The following MGA variants were observed in gnomAD, a reference collection of about 807,000 sequenced individuals.
MGA encodes MAX dimerization protein MGA.
A neutral mutation model predicts 261.1 loss-of-function variants in MGA; 40 were observed. That is an observed-to-expected ratio of 0.15 (90% CI 0.12 to 0.20). The LOEUF (loss-of-function observed/expected upper bound fraction) is 0.20. MGA is among the 10% of genes least tolerant of loss of function. The pLI, the probability that MGA is intolerant of heterozygous loss-of-function variation, is 1.00. For missense variants in MGA, 3,397 were observed against 3,630.5 expected, an observed-to-expected ratio of 0.94 and a Z score of 1.65; for synonymous variants, 1,302 against 1,290.6, an observed-to-expected ratio of 1.01 and a Z score of -0.19.
At chr15:41,665,856 T>C (rs993290177) in intron 1 of MGA, among the ~76,000 whole-genome samples, 1 of 152,198 alleles carries the variant, frequency 6.6e-6, no homozygotes, top group Non-Finnish European at 1.5e-5. Flanking sequence ...ATAAATGGAA[T>C]CATACAATAT....
intron 7 of MGA, among the ~76,000 whole-genome samples, chr15:41,709,393 G>A (rs897945376): frequency 1.3e-5 from 2 of 152,038 alleles, no homozygotes; most frequent in African/African-American, 4.8e-5. Context: ...GCCTCTTCTT[G>A]TGGTCTTCCT....
rs139403711 is a variant in MGA at position 41,696,133 on chromosome 15, G to A, written c.1123G>A (p.Gly375Arg). The A allele has an allele frequency of 3.6e-4, 587 of 1,613,702 alleles. 4 individuals carry two copies. In the African/African-American group the frequency reaches 7.2e-3, roughly 20 times the overall value. The change falls in exon 3 of 24, where the codon GGA becomes AGA. Residue 375 changes from glycine to arginine, a missense_variant. Gly to Arg is a moderately radical substitution (Grantham distance 125). This residue lies in a region of MGA where 563 missense variants were observed against 563.6 expected (regional missense o/e 1.00). Transcript: ENST00000219905. Reference sequence around the variant, plus strand: ...TGTAGCCTCACCGTTAGACCAGAACGGAAGCTTCAATGTTGTTATTAAAGA... The same window carrying A: ...TGTAGCCTCACCGTTAGACCAGAACAGAAGCTTCAATGTTGTTATTAAAGA...
chr15:41,683,856 C>T (rs945030546), intron 2 of MGA, among the ~76,000 whole-genome samples: 1 of 152,186 alleles, frequency 6.6e-6, no homozygotes, highest in East Asian at 1.9e-4. Context: ...GCTGGGATTA[C>T]AGGCGTGACC....
At chr15:41,670,417 G>T (rs772726119) in intron 2 of MGA, among the ~76,000 whole-genome samples, 1 of 152,166 alleles carries the variant, frequency 6.6e-6, no homozygotes, top group African/African-American at 2.4e-5. Flanking sequence ...AAGTAGAATG[G>T]TGGATGCCAG....
At chr15:41,709,153 C>T (rs995441297) in intron 7 of MGA, among the ~76,000 whole-genome samples, 3 of 152,020 alleles carry the variant, frequency 2.0e-5, no homozygotes, top group African/African-American at 2.4e-5. Flanking sequence ...TCGAGACCAG[C>T]CTGGGCAACA....
rs527369011 is a variant in MGA, at chr15:41,651,272, C to G, written c.-67-17556C>G. Among the ~76,000 whole-genome samples the G allele has an allele frequency of 4.5e-4, 68 of 152,298 alleles. No individual in the cohort carries two copies. In the South Asian group the frequency reaches 0.011, roughly 24 times the overall value. ...TGCAGGAACTTTCTGGGGACAGATT[C>G]AGACCATAGTACTTATGAGATAAGT... is the stretch of plus-strand genomic sequence containing the variant. On this transcript the variant is annotated intron_variant, in intron 1 of 8. Transcript: ENST00000566718.
chr15:41,740,734 A>C (rs560962850), intron 14 of MGA, among the ~76,000 whole-genome samples: 1 of 152,344 alleles, frequency 6.6e-6, no homozygotes, highest in Non-Finnish European at 1.5e-5. Context: ...AGGAGCTAGC[A>C]AAAGCTAGTG....
intron 7 of MGA, among the ~76,000 whole-genome samples, chr15:41,708,610 C>T (rs772284744): frequency 2.6e-5 from 4 of 152,262 alleles, no homozygotes; most frequent in Non-Finnish European, 4.4e-5. Context: ...TGAGCTGCCG[C>T]GCCCAAGCCT....
intron 7 of MGA, among the ~76,000 whole-genome samples, chr15:41,709,215 C>T (rs1477665953): frequency 1.3e-5 from 2 of 151,816 alleles, no homozygotes; most frequent in Admixed American, 6.6e-5. Context: ...GATGTGGTGG[C>T]GCATTCCTGT....
intron 1 of MGA, among the ~76,000 whole-genome samples, chr15:41,637,580 C>T (rs1419310825): frequency 1.3e-5 from 2 of 152,066 alleles, no homozygotes; most frequent in African/African-American, 2.4e-5. Flanking sequence ...CCAACGACTC[C>T]TGTGATGCTT....
chr15:41,674,810 G>A (rs1345577563), intron 2 of MGA, among the ~76,000 whole-genome samples: 5 of 152,192 alleles, frequency 3.3e-5, no homozygotes, highest in African/African-American at 9.7e-5. Flanking sequence ...GAGCCACGGC[G>A]CCCGGCCAAT....
At chr15:41,656,245 C>T (rs2057167032), upstream of MGA, among the ~76,000 whole-genome samples, 1 of 151,778 alleles carries the variant, frequency 6.6e-6, no homozygotes, top group Non-Finnish European at 1.5e-5. Context: ...GCATCTGGGG[C>T]AATCTTCTTA....
Sources: allele counts gnomAD v4.1 joint callset (sites outside exome capture counted in the v4.1 genomes callset), GRCh38; gene constraint gnomAD v4.1.1; regional missense constraint gnomAD v4.1.1; transcripts MANE v1.5; gene names NCBI Gene and HGNC (gene_info 2026-07-23, HGNC 2026-07-21).